The following NTRK3 variants were observed in gnomAD, a reference collection of about 807,000 sequenced individuals.
NTRK3 encodes the protein neurotrophic receptor tyrosine kinase 3.
NTRK3 carries 24 observed loss-of-function variants against 91.7 expected under a neutral mutation model. The observed-to-expected ratio is 0.26, with a 90% CI of 0.19 to 0.37. The LOEUF (loss-of-function observed/expected upper bound fraction) is 0.37, where lower values mean the gene tolerates loss of function less well. Among genes scored for constraint, NTRK3 ranks in the 10% least tolerant of loss-of-function variants. The pLI is 1.00. For missense variants in NTRK3, 880 were observed against 1,068.9 expected (o/e 0.82, Z 2.46); for synonymous variants, 483 against 404.0 (o/e 1.20, Z -2.34).
At chr15:88,193,770 GTC>G (rs1323840201) in intron 3 of NTRK3, among the ~76,000 whole-genome samples, 1 of 152,004 alleles carries the variant, frequency 6.6e-6, no homozygotes, top group Non-Finnish European at 1.5e-5. Flanking sequence ...ACCCTCAACT[GTC>G]TCTCTGCTAT....
chr15:88,113,447 C>T (rs1163532513), intron 13 of NTRK3, among the ~76,000 whole-genome samples: 1 of 150,806 alleles, frequency 6.6e-6, no homozygotes, highest in African/African-American at 2.4e-5. Context: ...TCCTGAGTAG[C>T]TGGGATTAAA....
At chr15:88,152,870 G>A (rs541095332) in intron 5 of NTRK3, among the ~76,000 whole-genome samples, 16 of 152,310 alleles carry the variant, frequency 1.1e-4, no homozygotes, top group East Asian at 7.7e-4. Context: ...CCCCCTGGGT[G>A]TACTCCAGCC....
At chr15:87,895,219 G>T (rs2066053085) in intron 17 of NTRK3, among the ~76,000 whole-genome samples, 1 of 152,182 alleles carries the variant, frequency 6.6e-6, no homozygotes, top group Non-Finnish European at 1.5e-5. Context: ...AAATGAAACA[G>T]AACTGAAGTC....
chr15:88,156,069 T>C (rs928042266), intron 5 of NTRK3, among the ~76,000 whole-genome samples: 3 of 152,142 alleles, frequency 2.0e-5, no homozygotes, highest in African/African-American at 7.2e-5. Context: ...GGTAGAAAAC[T>C]GTCATTATAA....
chr15:88,185,908 G>C (rs1343855400), intron 3 of NTRK3, among the ~76,000 whole-genome samples: 2 of 152,206 alleles, frequency 1.3e-5, no homozygotes, highest in Non-Finnish European at 2.9e-5. Context: ...AGTCCCTGCT[G>C]AGCAGCCAGA....
intron 13 of NTRK3, among the ~76,000 whole-genome samples, chr15:88,073,521 T>G (rs2047267320): frequency 2.0e-5 from 3 of 152,108 alleles, no homozygotes; most frequent in Non-Finnish European, 4.4e-5. Flanking sequence ...ATGGGCCAGT[T>G]TACATCCTGC....
At chr15:88,077,936 C>T (rs1273330558) in intron 13 of NTRK3, among the ~76,000 whole-genome samples, 4 of 152,194 alleles carry the variant, frequency 2.6e-5, no homozygotes, top group Non-Finnish European at 5.9e-5. Context: ...CAGAATCTCA[C>T]AGGAAATCTC....
chr15:88,145,789 A>G (rs190297909), intron 6 of NTRK3, among the ~76,000 whole-genome samples: 1 of 152,292 alleles, frequency 6.6e-6, no homozygotes, highest in African/African-American at 2.4e-5. Context: ...GACACCCAAG[A>G]AAGAGATCCC....
chr15:88,016,400 T>C (rs142736870), intron 14 of NTRK3, among the ~76,000 whole-genome samples: 5 of 152,318 alleles, frequency 3.3e-5, no homozygotes, highest in African/African-American at 1.2e-4. Context: ...TAAATTTACA[T>C]CATGAATTGT....
At chr15:87,986,075 T>A (rs959809487) in intron 14 of NTRK3, among the ~76,000 whole-genome samples, 2 of 152,168 alleles carry the variant, frequency 1.3e-5, no homozygotes, top group African/African-American at 2.4e-5. Context: ...GGAAAAAAAA[T>A]TTCTTTACCA....
intron 14 of NTRK3, among the ~76,000 whole-genome samples, chr15:87,949,706 A>G (rs187959778): frequency 6.6e-6 from 1 of 152,092 alleles, no homozygotes; most frequent in Non-Finnish European, 1.5e-5. Context: ...CCTCCCTACC[A>G]CAGTACGCCT....
chr15:87,962,364 T>C (rs887498451), intron 14 of NTRK3, among the ~76,000 whole-genome samples: 1 of 152,184 alleles, frequency 6.6e-6, no homozygotes, highest in African/African-American at 2.4e-5. Flanking sequence ...TGACCATCTT[T>C]GGCCCCATCC....
At chr15:87,867,498 T>C (rs942358841) in exon 19 of NTRK3, 16 of 229,956 alleles carry the variant, frequency 7.0e-5, no homozygotes, top group Non-Finnish European at 1.2e-4. Context: ...AGATGGTATA[T>C]AATATTTCAG....
chr15:87,920,817 A>G (rs1273591599), intron 17 of NTRK3, among the ~76,000 whole-genome samples: 1 of 152,144 alleles, frequency 6.6e-6, no homozygotes, highest in East Asian at 1.9e-4. Context: ...ACTGTGGGCA[A>G]TGGGGGATCC....
chr15:87,882,985 T>C (rs1030060722), intron 17 of NTRK3, among the ~76,000 whole-genome samples: 1 of 151,924 alleles, frequency 6.6e-6, no homozygotes, highest in Non-Finnish European at 1.5e-5. Flanking sequence ...TCAAGTTGCA[T>C]GTTATTTAAA....
intron 3 of NTRK3, among the ~76,000 whole-genome samples, chr15:88,185,558 G>A (rs543612057): frequency 1.6e-4 from 24 of 152,216 alleles, no homozygotes; most frequent in South Asian, 6.2e-4. Context: ...AAAGGATCTC[G>A]GGAAAAGGCC....
Position 88,233,761 on chromosome 15 carries a change from A to C in NTRK3, c.248+22145T>G, listed in dbSNP as rs1181359837. ...CCTTCCCTGCCCCCTTCCTCCCTAC[A>C]CCTTGCTCCTCCTCCCCTGACATCC... On this transcript the variant is annotated intron_variant, in intron 3 of 18. Transcript: ENST00000394480. This position sits in a 1 kb window ranked among gnomAD's most constrained non-coding sequence, Gnocchi z 4.2. Among the ~76,000 whole-genome samples the C allele has an allele frequency of 2.0e-5, 3 of 148,430 alleles. No homozygotes were observed. The highest frequency in any genetic ancestry group is 7.5e-5 in the African/African-American group (3 of 39,840).
intron 10 of NTRK3, 89 bp from the exon 11 acceptor site, chr15:88,128,823 C>T (rs531081144): frequency 3.5e-6 from 4 of 1,156,804 alleles, no homozygotes; most frequent in South Asian, 2.5e-5. Context: ...TGATCTCTCC[C>T]ATTCACCATG....
intron 6 of NTRK3, among the ~76,000 whole-genome samples, chr15:88,139,377 A>G (rs1002458334): frequency 6.6e-6 from 1 of 152,200 alleles, no homozygotes; most frequent in Non-Finnish European, 1.5e-5. Context: ...AACCAGAGGG[A>G]GGGGCACTTG....
Sources: gnomAD v4.1 joint callset for allele counts (sites outside exome capture counted in the v4.1 genomes callset) on GRCh38, gnomAD v4.1.1 for gene constraint, Gnocchi (gnomAD v3.1) non-coding constraint, MANE v1.5 for transcripts, NCBI Gene and HGNC (gene_info 2026-07-23, HGNC 2026-07-21) for gene names.